IL1RAP: variants seen among roughly 807,000 people sequenced by gnomAD.
IL1RAP encodes interleukin 1 receptor accessory protein.
IL1RAP carries 35 observed loss-of-function variants against 60.7 expected under a neutral mutation model. The ratio of observed to expected loss-of-function variants is 0.58; its 90% CI spans 0.44 to 0.76. IL1RAP has a LOEUF of 0.76. IL1RAP is among the 30% of genes least tolerant of loss of function. The pLI is 0.00. For missense variants in IL1RAP, 572 were observed against 693.9 expected (o/e 0.82, Z 1.97); for synonymous variants, 268 against 250.9 (o/e 1.07, Z -0.64).
intron 4 of IL1RAP, among the ~76,000 whole-genome samples, chr3:190,605,266 T>C (rs1730208052): frequency 6.6e-6 from 1 of 151,766 alleles, no homozygotes; most frequent in South Asian, 2.1e-4. Context: ...CTTGAAAGTT[T>C]TGTAGATTTT....
chr3:190,596,931 C>T (rs3773953), intron 3 of IL1RAP, among the ~76,000 whole-genome samples: 3 of 151,940 alleles, frequency 2.0e-5, no homozygotes, highest in East Asian at 1.9e-4. Context: ...TGACAAAATG[C>T]GCTCAGGTGG....
intron 8 of IL1RAP, among the ~76,000 whole-genome samples, chr3:190,627,779 G>A (rs1289960563): frequency 6.6e-6 from 1 of 152,192 alleles, no homozygotes; most frequent in Non-Finnish European, 1.5e-5. Context: ...TGGAAGTAGA[G>A]AGAATACATA....
intron 3 of IL1RAP, among the ~76,000 whole-genome samples, chr3:190,574,069 C>T (rs1431212406): frequency 6.6e-6 from 1 of 152,150 alleles, no homozygotes. Context: ...ATTTAAAATA[C>T]ACCATGCTGC....
Position 190,576,852 on chromosome 3 carries a change from G to A in IL1RAP, c.64+12499G>A, listed in dbSNP as rs540090596. Reference sequence around the variant, plus strand: ...ACAATGGCCGGGCGCGGTGGCTCACGCCTGTAATCCCAGCACTTTGGGAGG... The same window carrying A: ...ACAATGGCCGGGCGCGGTGGCTCACACCTGTAATCCCAGCACTTTGGGAGG... On this transcript the variant is annotated intron_variant, in intron 3 of 11. Coordinates refer to ENST00000447382, the MANE Select transcript of IL1RAP (RefSeq NM_002182.4). Among the ~76,000 whole-genome samples the A allele has an allele frequency of 3.9e-5, 6 of 152,280 alleles. No individual in the cohort carries two copies. The South Asian group carries it at 8.3e-4, about 21-fold the overall frequency.
chr3:190,654,372 A>G (rs1284068726), downstream of IL1RAP, among the ~76,000 whole-genome samples: 1 of 152,202 alleles, frequency 6.6e-6, no homozygotes, highest in East Asian at 1.9e-4. Flanking sequence ...GATTCTGAGT[A>G]GGACTAGAGG....
At chr3:190,624,076 T>C (rs1732020090) in intron 7 of IL1RAP, among the ~76,000 whole-genome samples, 1 of 152,174 alleles carries the variant, frequency 6.6e-6, no homozygotes, top group Admixed American at 6.5e-5. Context: ...GTGAGAGGTG[T>C]TAACCTAAAT....
intron 6 of IL1RAP, among the ~76,000 whole-genome samples, chr3:190,621,415 G>C (rs1210126909): frequency 6.6e-6 from 1 of 151,998 alleles, no homozygotes; most frequent in African/African-American, 2.4e-5. Flanking sequence ...GCTGAGTTGG[G>C]GATTAATTCA....
intron 3 of IL1RAP, among the ~76,000 whole-genome samples, chr3:190,594,926 C>G (rs7642899): frequency 0.84 from 128,070 of 152,236 alleles, 54,221 homozygotes; most frequent in African/African-American, 0.94. Flanking sequence ...GTTGTGGAAA[C>G]TGAGGTTCAA....
intron 9 of IL1RAP, chr3:190,630,225 T>A: frequency 1.3e-6 from 1 of 796,746 alleles, no homozygotes; most frequent in Non-Finnish European, 1.5e-6. Flanking sequence ...TTGATAGTAC[T>A]ATATTATTCT....
At chr3:190,629,582 G>C in intron 9 of IL1RAP, 84 bp downstream of exon 9, 1 of 1,502,754 alleles carries the variant, frequency 6.7e-7, no homozygotes, top group South Asian at 1.4e-5. Context: ...TTGAGAACAA[G>C]AGAGCTCCAG....
At chr3:190,612,440 C>T (rs1343773382) in intron 5 of IL1RAP, among the ~76,000 whole-genome samples, 2 of 151,984 alleles carry the variant, frequency 1.3e-5, no homozygotes, top group Admixed American at 6.6e-5. Flanking sequence ...CATGCATTTC[C>T]TCTGCCTAGA....
chr3:190,609,267 G>T, intron 5 of IL1RAP, 86 bp downstream of exon 5: 3 of 920,062 alleles, frequency 3.3e-6, no homozygotes, highest in Non-Finnish European at 4.9e-6. Context: ...TATAAGCAAA[G>T]GTGTTTCTCT....
At chr3:190,652,922 G>T (rs1167782920), downstream of IL1RAP, among the ~76,000 whole-genome samples, 1 of 152,194 alleles carries the variant, frequency 6.6e-6, no homozygotes, top group South Asian at 2.1e-4. Flanking sequence ...AAACTCTCAA[G>T]ATTTTTTTTT....
At chr3:190,560,994 A>G (rs1294743628) in intron 2 of IL1RAP, among the ~76,000 whole-genome samples, 3 of 152,188 alleles carry the variant, frequency 2.0e-5, no homozygotes, top group African/African-American at 7.2e-5. Flanking sequence ...CATGCAGTAA[A>G]TTACACGGAT....
chr3:190,593,430 A>C (rs1729113570), intron 3 of IL1RAP, among the ~76,000 whole-genome samples: 1 of 152,226 alleles, frequency 6.6e-6, no homozygotes, highest in Admixed American at 6.5e-5. Flanking sequence ...TCTACCCTGA[A>C]TAAACATATC....
chr3:190,523,323 T>C (rs1328943893), intron 1 of IL1RAP, among the ~76,000 whole-genome samples: 1 of 152,162 alleles, frequency 6.6e-6, no homozygotes, highest in African/African-American at 2.4e-5. Context: ...TGGTACCTTA[T>C]AAGCTTACAC....
In IL1RAP at chr3:190,619,856, A is replaced by G. The variant is rs116828914; in HGVS notation, c.538-419A>G. Among the ~76,000 whole-genome samples the G allele has an allele frequency of 5.3e-5, 8 of 152,324 alleles. No homozygotes were observed. The South Asian group carries it at 1.7e-3, about 32-fold the overall frequency. On this transcript the variant is annotated intron_variant, in intron 5 of 11. Transcript: ENST00000447382. ...GGGGCCTAGATTATCAGACGGAGTG[A>G]CTGGAGTCCCAAATTAATATAATCA... is the stretch of plus-strand genomic sequence containing the variant.
chr3:190,572,855 C>CTTTGTTT lies in IL1RAP; in HGVS notation c.64+8506_64+8512dup, dbSNP rs1553840801. On this transcript the variant is annotated intron_variant, in intron 3 of 11. Coordinates refer to ENST00000447382, the MANE Select transcript of IL1RAP (RefSeq NM_002182.4). The stretch of plus-strand genomic sequence containing the variant: ...GTGGTCAGCATGTCCAGGGTTAATG[C>CTTTGTTT]TTTGTTTTTTTTTTTTTTTTTTTTT... Among the ~76,000 whole-genome samples the CTTTGTTT allele has an allele frequency of 5.9e-4, 34 of 57,594 alleles. 12 individuals are homozygous for CTTTGTTT. Among genetic ancestry groups the CTTTGTTT allele is most frequent in the Non-Finnish European group, 1.0e-3 (31 of 30,396 alleles). The allele number at this position is 57,594 out of a possible 152,430, so 37.8% of individuals were successfully genotyped here. A position where few individuals can be genotyped will look rare whatever the true frequency, so the allele number is the denominator to read the frequency against.
At chr3:190,577,719 A>T (rs1727621164) in intron 3 of IL1RAP, among the ~76,000 whole-genome samples, 1 of 151,740 alleles carries the variant, frequency 6.6e-6, no homozygotes, top group South Asian at 2.1e-4. Context: ...TTTTGTGGAG[A>T]TGGGGTCTCG....
Sources: allele counts gnomAD v4.1 joint callset (sites outside exome capture counted in the v4.1 genomes callset), GRCh38; gene constraint gnomAD v4.1.1; transcripts MANE v1.5; gene names NCBI Gene and HGNC (gene_info 2026-07-23, HGNC 2026-07-21).